The following GMDS variants were observed in gnomAD, a reference collection of about 807,000 sequenced individuals.
The protein encoded by GMDS is GDP-mannose 4,6 dehydratase.
Under a neutral mutation model 49.9 loss-of-function variants are expected in GMDS, and 20 were observed. The ratio of observed to expected loss-of-function variants is 0.40; its 90% CI spans 0.28 to 0.58. The LOEUF is 0.58. Ranked by LOEUF, GMDS falls within the 20% of genes least tolerant of loss-of-function variation. The probability of loss-of-function intolerance (pLI) is 0.42; values close to 1 mark genes in which losing one functional copy is unlikely to be tolerated. For synonymous variants in GMDS, 177 were observed against 178.6 expected (o/e 0.99, Z 0.07); for missense variants, 362 against 481.4 (o/e 0.75, Z 2.32).
chr6:1,661,052 C>A (rs747160728), intron 9 of GMDS, among the ~76,000 whole-genome samples: 5 of 151,918 alleles, frequency 3.3e-5, no homozygotes, highest in South Asian at 2.1e-4. Context: ...GTGACTGGTA[C>A]CTTGGCATCT....
At chr6:2,160,408 A>C (rs4959642) in intron 1 of GMDS, among the ~76,000 whole-genome samples, 23,786 of 152,232 alleles carry the variant, frequency 0.16, 4,227 homozygotes, top group African/African-American at 0.43. Flanking sequence ...TAGGTGGAAC[A>C]CTTTTCAGCT....
intron 9 of GMDS, among the ~76,000 whole-genome samples, chr6:1,691,469 A>T (rs779040437): frequency 6.6e-6 from 1 of 152,176 alleles, no homozygotes; most frequent in Admixed American, 6.5e-5. Context: ...CGTTCACCTA[A>T]GTAACAAACC....
At chr6:2,063,501 C>A (rs1263782346) in intron 4 of GMDS, among the ~76,000 whole-genome samples, 1 of 152,084 alleles carries the variant, frequency 6.6e-6, no homozygotes, top group African/African-American at 2.4e-5. Context: ...TAAAAACAAA[C>A]CAAACCAAAC....
intron 4 of GMDS, among the ~76,000 whole-genome samples, chr6:1,973,392 T>G (rs1764724624): frequency 6.6e-6 from 1 of 152,226 alleles, no homozygotes; most frequent in Non-Finnish European, 1.5e-5. Flanking sequence ...CAAGCTCTGT[T>G]GGCAGAGAGT....
At chr6:1,984,493 A>T (rs1426865560) in intron 4 of GMDS, among the ~76,000 whole-genome samples, 1 of 151,968 alleles carries the variant, frequency 6.6e-6, no homozygotes, top group African/African-American at 2.4e-5. Context: ...TGAAAACAAG[A>T]CATCTGGGCA....
intron 4 of GMDS, among the ~76,000 whole-genome samples, chr6:2,080,040 G>A (rs563616378): frequency 1.3e-5 from 2 of 152,072 alleles, no homozygotes; most frequent in South Asian, 2.1e-4. Flanking sequence ...AGGTTATTTT[G>A]AAAGACCTGT....
chr6:2,077,411 G>C (rs574053393), intron 4 of GMDS, among the ~76,000 whole-genome samples: 2 of 152,228 alleles, frequency 1.3e-5, no homozygotes, highest in South Asian at 4.1e-4. Context: ...GATGTTAGCT[G>C]TGAGTTTGCC....
rs539257194 is a variant in GMDS, at chr6:1,981,425, G to C, written c.346-20459C>G. Among the ~76,000 whole-genome samples the C allele has an allele frequency of 2.3e-4, 35 of 152,224 alleles. No individual in the cohort carries two copies. In the East Asian group the frequency reaches 6.0e-3, roughly 26 times the overall value. On this transcript the variant is annotated intron_variant, in intron 4 of 10. Transcript: ENST00000380815. Reference sequence around the variant, plus strand: ...CAAACACCTATAAGCACATAAACTAGAAAATCTACAAGAAATGGATAAATT... The same window carrying C: ...CAAACACCTATAAGCACATAAACTACAAAATCTACAAGAAATGGATAAATT...
chr6:1,975,619 G>C (rs1764855579), intron 4 of GMDS, among the ~76,000 whole-genome samples: 2 of 152,176 alleles, frequency 1.3e-5, no homozygotes, highest in Non-Finnish European at 2.9e-5. Flanking sequence ...AATCTCCTAA[G>C]GCTCTAATGT....
intron 7 of GMDS, among the ~76,000 whole-genome samples, chr6:1,800,772 A>G (rs1769918590): frequency 6.6e-6 from 1 of 151,994 alleles, no homozygotes; most frequent in East Asian, 1.9e-4. Flanking sequence ...CACAGTTATC[A>G]TCAGCTCCTT....
chr6:2,070,690 C>A (rs559821908), intron 4 of GMDS, among the ~76,000 whole-genome samples: 1 of 152,198 alleles, frequency 6.6e-6, no homozygotes, highest in Admixed American at 6.5e-5. Flanking sequence ...TTCTTCAGTC[C>A]CAGTGCACTT....
chr6:1,772,951 A>G (rs1768641137), intron 7 of GMDS, among the ~76,000 whole-genome samples: 2 of 152,238 alleles, frequency 1.3e-5, no homozygotes, highest in Admixed American at 1.3e-4. Context: ...GCTGGAACCA[A>G]TATTGTAAAA....
In GMDS at chr6:1,959,950, T is replaced by A; in HGVS notation, c.560A>T (p.Tyr187Phe). 1 of 1,605,480 alleles carries A rather than the reference T, an allele frequency of 6.2e-7. No individual in the cohort carries two copies. The highest frequency in any genetic ancestry group is 8.5e-7 in the Non-Finnish European group (1 of 1,176,138). Reference sequence around the variant, plus strand: ...CTCACGGAAGTTCACCACAATCCAATAGGCATAGAGTTTTGCTGCCCCTGT... The same window carrying A: ...CTCACGGAAGTTCACCACAATCCAAAAGGCATAGAGTTTTGCTGCCCCTGT... Reference protein sequence around the residue: ...SPYGAAKLYAYWIVVNFREAY... With the variant: ...SPYGAAKLYAFWIVVNFREAY... Residue 187 changes from tyrosine to phenylalanine, a missense_variant, in exon 6 of 11, where the codon TAT becomes TTT. Physicochemically the swap from Tyr to Phe is conservative, Grantham distance 22 (BLOSUM62 3). Coordinates refer to ENST00000380815, the MANE Select transcript of GMDS (RefSeq NM_001500.4).
chr6:1,894,157 G>A (rs1010066582), intron 7 of GMDS, among the ~76,000 whole-genome samples: 79 of 152,214 alleles, frequency 5.2e-4, no homozygotes, highest in African/African-American at 1.8e-3. Context: ...ATGAAATCAC[G>A]ACCTATCATG....
chr6:2,000,008 ATTTTT>A (rs1368425433), intron 4 of GMDS, among the ~76,000 whole-genome samples: 2,300 of 7,790 alleles, frequency 0.3, 494 homozygotes, highest in Middle Eastern at 0.33. Flanking sequence ...ATATATATAT[ATTTTT>A]TATATATATA....
At chr6:2,154,324 C>T (rs1388449495) in intron 1 of GMDS, among the ~76,000 whole-genome samples, 1 of 152,040 alleles carries the variant, frequency 6.6e-6, no homozygotes, top group Non-Finnish European at 1.5e-5. Context: ...TTTGGGAACG[C>T]ATTTACTTCT....
At chr6:1,683,279 A>G (rs1398748335) in intron 9 of GMDS, among the ~76,000 whole-genome samples, 2 of 152,130 alleles carry the variant, frequency 1.3e-5, no homozygotes, top group South Asian at 2.1e-4. Flanking sequence ...GCCCGCCACC[A>G]CGCCCGGCTA....
intron 4 of GMDS, among the ~76,000 whole-genome samples, chr6:2,097,111 T>C (rs1773649701): frequency 6.6e-6 from 1 of 152,070 alleles, no homozygotes; most frequent in Non-Finnish European, 1.5e-5. Context: ...AAAAAAAGTT[T>C]GCAAATTCCA....
In GMDS at chr6:2,080,325, G is replaced by C. The variant is rs1011368002; in HGVS notation, c.345+35446C>G. 2.0e-5 allele frequency among the ~76,000 whole-genome samples: 3 copies of C among 152,030 alleles called. No homozygotes were observed. In the East Asian group the frequency reaches 5.8e-4, roughly 29 times the overall value. On this transcript the variant is annotated intron_variant, in intron 4 of 10. Transcript: ENST00000380815. ...TTCAGGATTTCGTGAATTTCTTTTT[G>C]ATCGGAATCATTGCTGAAGAATTAT...
Sources: allele counts gnomAD v4.1 joint callset (sites outside exome capture counted in the v4.1 genomes callset), GRCh38; gene constraint gnomAD v4.1.1; transcripts MANE v1.5; gene names NCBI Gene and HGNC (gene_info 2026-07-23, HGNC 2026-07-21).